LRCH3: variants seen among roughly 807,000 people sequenced by gnomAD.
LRCH3 encodes the protein DISP complex protein LRCH3.
LRCH3 carries 68 observed loss-of-function variants against 104.5 expected under a neutral mutation model. That is an observed-to-expected ratio of 0.65 (90% CI 0.54 to 0.80). The LOEUF (loss-of-function observed/expected upper bound fraction) is 0.80. Ranked by LOEUF, LRCH3 falls within the 30% of genes least tolerant of loss-of-function variation. The pLI, the probability that LRCH3 is intolerant of heterozygous loss-of-function variation, is 0.00. For synonymous variants in LRCH3, 344 were observed against 361.3 expected, an observed-to-expected ratio of 0.95 and a Z score of 0.54; for missense variants, 951 against 953.9, an observed-to-expected ratio of 1.00 and a Z score of 0.04.
chr3:197,816,468 C>T (rs867566928), intron 2 of LRCH3, among the ~76,000 whole-genome samples: 4 of 152,172 alleles, frequency 2.6e-5, no homozygotes, highest in African/African-American at 9.6e-5. Context: ...TTAGTAGAGA[C>T]GGGGTTTCGC....
intron 20 of LRCH3, chr3:197,880,920 A>C: frequency 1.4e-6 from 2 of 1,416,454 alleles, no homozygotes; most frequent in Non-Finnish European, 9.2e-7. Context: ...ACAAAGAGTA[A>C]AAGACCAGCA....
Position 197,852,558 on chromosome 3 carries a change from C to A in LRCH3, c.1531-3C>A, listed in dbSNP as rs377147081. 7 of 1,613,794 alleles carry A rather than the reference C, an allele frequency of 4.3e-6. No individual in the cohort carries two copies. The highest frequency in any genetic ancestry group is 3.3e-5 in the Admixed American group (2 of 59,988). On this transcript the variant is annotated splice_polypyrimidine_tract_variant and splice_region_variant and intron_variant, in intron 12 of 20. Transcript: ENST00000425562. Reference sequence around the variant, plus strand: ...TTTTTTGGGGGGTTTTGGGATTATACAGCAAAAAGCATCACAAAGTCCACA... The same window carrying A: ...TTTTTTGGGGGGTTTTGGGATTATAAAGCAAAAAGCATCACAAAGTCCACA...
intron 7 of LRCH3, chr3:197,831,313 A>G (rs1735903898): frequency 6.5e-6 from 1 of 153,322 alleles, no homozygotes. Flanking sequence ...AATTATTGAT[A>G]TTATGTTTTC....
chr3:197,856,890 GA>G lies in LRCH3; in HGVS notation c.1645-1940del, dbSNP rs1255428365. Reference sequence around the variant, plus strand: ...ACTGATTATTAAATTGTTTTGTGATGAAAAGGTCTGATGAACGATATCATAA... The same window carrying G: ...ACTGATTATTAAATTGTTTTGTGATGAAAGGTCTGATGAACGATATCATAA... On this transcript the variant is annotated intron_variant, in intron 14 of 20. Coordinates refer to ENST00000425562, the MANE Select transcript of LRCH3 (RefSeq NM_001365715.1). The surrounding 1 kb of genome is among the most constrained non-coding windows in gnomAD (Gnocchi z 4.2). 1.3e-5 allele frequency among the ~76,000 whole-genome samples: 2 copies of G among 152,316 alleles called. No individual in the cohort carries two copies. Among genetic ancestry groups the G allele is most frequent in the East Asian group, 3.9e-4 (2 of 5,184 alleles).
chr3:197,803,929 G>A (rs761957703), intron 1 of LRCH3, among the ~76,000 whole-genome samples: 2 of 152,098 alleles, frequency 1.3e-5, no homozygotes, highest in South Asian at 2.1e-4. Flanking sequence ...GATATGGGGC[G>A]ACCAAATTGA....
In LRCH3 at chr3:197,883,579, A is replaced by G. The variant is rs1713968634; in HGVS notation, c.2247A>G (p.Lys749=). The G allele has an allele frequency of 1.3e-6, 2 of 1,536,028 alleles. No homozygotes were observed. The highest frequency in any genetic ancestry group is 2.4e-5 in the East Asian group (1 of 40,908). Reference sequence around the variant, plus strand: ...TGCCTCTCCACATTTTAGAAGAGAAAGGTTTGAGCCAGGTTGCAGTGACGG... The same window carrying G: ...TGCCTCTCCACATTTTAGAAGAGAAGGGTTTGAGCCAGGTTGCAGTGACGG... ...LCLPLHILEE[K]GLSQVAVTVQ... is the part of the protein sequence containing the mutation. Residue 749 remains lysine (K), a synonymous_variant, in exon 21 of 21, where the codon AAA becomes AAG. Coordinates refer to ENST00000425562, the MANE Select transcript of LRCH3 (RefSeq NM_001365715.1). This position sits in a 1 kb window ranked among gnomAD's most constrained non-coding sequence, Gnocchi z 4.2.
intron 1 of LRCH3, among the ~76,000 whole-genome samples, chr3:197,800,891 C>T (rs966727344): frequency 6.6e-6 from 1 of 151,958 alleles, no homozygotes; most frequent in Admixed American, 6.6e-5. Flanking sequence ...GTCAGGAGTT[C>T]GAGACCAGCC....
chr3:197,883,551 G>A lies in LRCH3; in HGVS notation c.2219G>A (p.Cys740Tyr). 1 of 1,535,714 alleles carries A rather than the reference G, an allele frequency of 6.5e-7. No individual in the cohort carries two copies. Among genetic ancestry groups the A allele is most frequent in the Non-Finnish European group, 8.7e-7 (1 of 1,146,768 alleles). ...CGTTGTCCCTTTCAGGAGCAATTAT[G>A]TTTGCCTCTCCACATTTTAGAAGAG... is the stretch of plus-strand genomic sequence containing the variant. ...RKIGVPQEQL[C>Y]LPLHILEEKG... is the part of the protein sequence containing the mutation. The change falls in exon 21 of 21, where the codon TGT (cysteine) becomes TAT (tyrosine). Residue 740 changes from cysteine (C) to tyrosine (Y), a missense_variant. By Grantham distance (194) the Cys-to-Tyr change is radical. Transcript: ENST00000425562. This position sits in a 1 kb window ranked among gnomAD's most constrained non-coding sequence, Gnocchi z 4.2.
At position 197,884,789 on chromosome 3, in the gene LRCH3, T is replaced by A. The variant is rs1320766259; in HGVS notation, c.*1123T>A. Reference sequence around the variant, plus strand: ...GGCCTAGGTTTTGCATAGTCTTCTTTTTTTTAAGAGTTGGGGTCTTGCCGT... The same window carrying A: ...GGCCTAGGTTTTGCATAGTCTTCTTATTTTTAAGAGTTGGGGTCTTGCCGT... On this transcript the variant is annotated 3_prime_UTR_variant, in exon 21 of 21. Coordinates refer to ENST00000425562, the MANE Select transcript of LRCH3 (RefSeq NM_001365715.1). 5.3e-5 allele frequency: 8 copies of A among 152,130 alleles called. No homozygotes were observed. The highest frequency in any genetic ancestry group is 1.0e-4 in the Non-Finnish European group (7 of 68,046). 9.4% of individuals were successfully genotyped at this position (152,130 alleles called of 1,614,324 possible).
At position 197,791,280 on chromosome 3, in the gene LRCH3, TGGC is replaced by T. The variant is rs1560508642; in HGVS notation, c.6_8del (p.Ala4?). On this transcript the variant is annotated start_lost and inframe_deletion, in exon 1 of 21. Transcript: ENST00000425562. ...GGCCCGAGTGTTGTCGGCTGGGAAA[TGGC>T]GGCCGCGGGCTTGGTCGCTGTGGCA... 1.9e-6 allele frequency: 3 copies of T among 1,608,218 alleles called. No individual in the cohort carries two copies. Among genetic ancestry groups the T allele is most frequent in the African/African-American group, 1.3e-5 (1 of 74,498 alleles).
rs1469525047 is a variant in LRCH3 at position 197,832,323 on chromosome 3, C to T, written c.1102+6C>T. 1.2e-6 allele frequency: 2 copies of T among 1,612,638 alleles called. No homozygotes were observed. The highest frequency in any genetic ancestry group is 2.7e-5 in the African/African-American group (2 of 74,908). On this transcript the variant is annotated splice_donor_region_variant and intron_variant, in intron 8 of 20. Transcript: ENST00000425562. ...GGTAGTAACAAACGGCGGAGGTAAA[C>T]ATAATTCCGGTGACAGCTAAAGTGT...
At chr3:197,814,777 G>T (rs897220108) in intron 1 of LRCH3, 131 bp from the exon 2 acceptor site, 1 of 651,820 alleles carries the variant, frequency 1.5e-6, no homozygotes, top group Non-Finnish European at 2.4e-6. Flanking sequence ...TTTGTAAGCA[G>T]ATATGCCTTA....
chr3:197,850,931 C>T (rs969308889), intron 12 of LRCH3: 14 of 810,486 alleles, frequency 1.7e-5, no homozygotes, highest in African/African-American at 5.0e-5. Context: ...TGGGGTTCTC[C>T]GGGTCAAGTG....
chr3:197,866,017 C>T, intron 16 of LRCH3, 95 bp from the exon 17 acceptor site: 1 of 868,710 alleles, frequency 1.2e-6, no homozygotes. Context: ...ATATCATTGC[C>T]ATGTTTATTT....
At chr3:197,834,853 A>T (rs1377187899) in intron 8 of LRCH3, among the ~76,000 whole-genome samples, 1 of 152,198 alleles carries the variant, frequency 6.6e-6, no homozygotes, top group Non-Finnish European at 1.5e-5. Context: ...TAAATAATAA[A>T]CACTTGTGTG....
chr3:197,826,848 ATTG>A (rs1415902800), intron 4 of LRCH3, 27 bp from the exon 5 acceptor site: 1 of 1,613,458 alleles, frequency 6.2e-7, no homozygotes, highest in Non-Finnish European at 8.5e-7. Flanking sequence ...AACATCATTA[ATTG>A]TTCATTTCCA....
intron 4 of LRCH3, 69 bp downstream of exon 4, chr3:197,820,499 C>A: frequency 1.8e-6 from 2 of 1,100,160 alleles, no homozygotes; most frequent in Non-Finnish European, 2.7e-6. Flanking sequence ...TCAGACCAAT[C>A]AAGACAAAAA....
chr3:197,818,582 A>G (rs542409232), intron 3 of LRCH3, among the ~76,000 whole-genome samples: 1 of 152,372 alleles, frequency 6.6e-6, no homozygotes, highest in South Asian at 2.1e-4. Context: ...TTTTGGAGCC[A>G]GTTAGAACTA....
At chr3:197,834,650 C>T (rs539407672) in intron 8 of LRCH3, among the ~76,000 whole-genome samples, 6 of 152,318 alleles carry the variant, frequency 3.9e-5, no homozygotes, top group African/African-American at 7.2e-5. Context: ...CACAAAGATG[C>T]ACCTTTCAGT....
Sources: gnomAD v4.1 joint callset for allele counts (sites outside exome capture counted in the v4.1 genomes callset) on GRCh38, gnomAD v4.1.1 for gene constraint, Gnocchi (gnomAD v3.1) non-coding constraint, MANE v1.5 for transcripts, NCBI Gene and HGNC (gene_info 2026-07-23, HGNC 2026-07-21) for gene names.